The following FLT1 variants were observed in gnomAD, a reference collection of about 807,000 sequenced individuals.
The protein encoded by FLT1 is fms related receptor tyrosine kinase 1.
A neutral mutation model predicts 156.3 loss-of-function variants in FLT1; 49 were observed. That is an observed-to-expected ratio of 0.31 (90% CI 0.25 to 0.40). The LOEUF is 0.40. FLT1 is among the 10% of genes least tolerant of loss of function. The pLI, the probability that FLT1 is intolerant of heterozygous loss-of-function variation, is 1.00. For synonymous variants in FLT1, 594 were observed against 583.8 expected (o/e 1.02, Z -0.25); for missense variants, 1,322 against 1,637.2 (o/e 0.81, Z 3.32).
At chr13:28,375,198 G>A (rs1873789939) in intron 14 of FLT1, among the ~76,000 whole-genome samples, 1 of 152,174 alleles carries the variant, frequency 6.6e-6, no homozygotes, top group Non-Finnish European at 1.5e-5. Context: ...ATACTTTGGG[G>A]CTGACTGATT....
At chr13:28,469,199 CTT>C (rs769777540) in intron 1 of FLT1, among the ~76,000 whole-genome samples, 15 of 152,252 alleles carry the variant, frequency 9.9e-5, no homozygotes, top group Non-Finnish European at 1.9e-4. Context: ...GGGAGGAAAA[CTT>C]AGTATTTGGC....
chr13:28,311,950 C>T (rs368097084), intron 26 of FLT1, 43 bp downstream of exon 26: 57 of 1,339,964 alleles, frequency 4.3e-5, no homozygotes, highest in Non-Finnish European at 5.6e-5. Context: ...GCCCCCCTGA[C>T]GTACATTCAA....
At chr13:28,429,116 A>T (rs1877522952) in intron 8 of FLT1, among the ~76,000 whole-genome samples, 1 of 152,166 alleles carries the variant, frequency 6.6e-6, no homozygotes, top group Non-Finnish European at 1.5e-5. Flanking sequence ...CTAAAAATTT[A>T]CTACTAAACG....
At chr13:28,327,916 G>A (rs1014296549) in intron 19 of FLT1, among the ~76,000 whole-genome samples, 1 of 152,148 alleles carries the variant, frequency 6.6e-6, no homozygotes, top group African/African-American at 2.4e-5. Flanking sequence ...TCTGGTTACT[G>A]TCACACCAGT....
chr13:28,332,770 T>G (rs1011113220), intron 18 of FLT1, among the ~76,000 whole-genome samples: 5 of 152,192 alleles, frequency 3.3e-5, no homozygotes, highest in Non-Finnish European at 7.3e-5. Flanking sequence ...ACAAAGCTGT[T>G]GAGAGGAAAT....
At chr13:28,306,833 C>T (rs1870773736) in intron 28 of FLT1, 61 bp from the exon 29 acceptor site, 1 of 1,074,190 alleles carries the variant, frequency 9.3e-7, no homozygotes, top group Non-Finnish European at 1.4e-6. Context: ...CATGCTGAGC[C>T]TGAGGGATGA....
At chr13:28,341,214 G>A (rs1488207727) in intron 16 of FLT1, among the ~76,000 whole-genome samples, 1 of 152,178 alleles carries the variant, frequency 6.6e-6, no homozygotes, top group Non-Finnish European at 1.5e-5. Flanking sequence ...AATAAGGCAG[G>A]TGAGAGGAGA....
chr13:28,493,989 T>C (rs1055113583), intron 1 of FLT1, among the ~76,000 whole-genome samples: 2 of 152,222 alleles, frequency 1.3e-5, no homozygotes, highest in African/African-American at 4.8e-5. Flanking sequence ...TGGGCTGCCC[T>C]TGTGGGTCAG....
chr13:28,401,418 G>GT (rs995381174), intron 11 of FLT1, among the ~76,000 whole-genome samples: 1 of 152,168 alleles, frequency 6.6e-6, no homozygotes, highest in Non-Finnish European at 1.5e-5. Context: ...AGCAAGTACT[G>GT]TAAGTTTGGA....
At chr13:28,392,904 C>G (rs889848830) in intron 12 of FLT1, among the ~76,000 whole-genome samples, 10 of 152,124 alleles carry the variant, frequency 6.6e-5, no homozygotes, top group Non-Finnish European at 4.4e-5. Context: ...TTAGAAATGA[C>G]TATTTCTCAG....
chr13:28,454,313 T>G (rs1474276027), intron 3 of FLT1, among the ~76,000 whole-genome samples: 1 of 152,196 alleles, frequency 6.6e-6, no homozygotes, highest in African/African-American at 2.4e-5. Context: ...AGTAATACTC[T>G]TCTCATTTTA....
intron 10 of FLT1, among the ~76,000 whole-genome samples, chr13:28,424,509 A>C (rs1029501428): frequency 1.3e-5 from 2 of 152,184 alleles, no homozygotes; most frequent in African/African-American, 4.8e-5. Context: ...ATAACTTAAC[A>C]TATTTACATA....
At chr13:28,344,691 A>G (rs1872492295) in intron 16 of FLT1, among the ~76,000 whole-genome samples, 1 of 152,126 alleles carries the variant, frequency 6.6e-6, no homozygotes, top group African/African-American at 2.4e-5. Flanking sequence ...CTCACACTCT[A>G]AAGAACTTAA....
intron 20 of FLT1, 127 bp from the exon 21 acceptor site, chr13:28,323,073 C>T: frequency 9.9e-7 from 1 of 1,010,264 alleles, no homozygotes. Flanking sequence ...GGATCGTGAA[C>T]TAGCACAGGG....
chr13:28,426,431 A>G (rs1245588132), intron 10 of FLT1, among the ~76,000 whole-genome samples: 3 of 152,230 alleles, frequency 2.0e-5, no homozygotes, highest in Non-Finnish European at 4.4e-5. Flanking sequence ...GCAAATATAC[A>G]CTAAGTATCT....
intron 15 of FLT1, among the ~76,000 whole-genome samples, chr13:28,348,035 C>T (rs937783858): frequency 2.0e-5 from 3 of 152,184 alleles, no homozygotes; most frequent in African/African-American, 4.8e-5. Flanking sequence ...CCATAGTCCC[C>T]GCCACAAAGT....
intron 15 of FLT1, among the ~76,000 whole-genome samples, chr13:28,347,605 G>C (rs1156645971): frequency 6.6e-6 from 1 of 152,162 alleles, no homozygotes; most frequent in East Asian, 1.9e-4. Context: ...AGACCATAGA[G>C]GATTCTGAGC....
At chr13:28,353,502 G>C (rs901593219) in intron 15 of FLT1, among the ~76,000 whole-genome samples, 1 of 151,438 alleles carries the variant, frequency 6.6e-6, no homozygotes, top group African/African-American at 2.4e-5. Flanking sequence ...GAGCTCAGGA[G>C]GCAGAGCTTG....
intron 18 of FLT1, among the ~76,000 whole-genome samples, chr13:28,331,127 G>A (rs1156289950): frequency 6.6e-6 from 1 of 152,186 alleles, no homozygotes; most frequent in Non-Finnish European, 1.5e-5. Flanking sequence ...TAATCTCTGT[G>A]CACACATGCA....
Sources: allele counts gnomAD v4.1 joint callset (sites outside exome capture counted in the v4.1 genomes callset), GRCh38; gene constraint gnomAD v4.1.1; transcripts MANE v1.5; gene names NCBI Gene and HGNC (gene_info 2026-07-23, HGNC 2026-07-21).